SPAG16: variants seen among roughly 807,000 people sequenced by gnomAD.
SPAG16 encodes sperm associated antigen 16.
In SPAG16, 86 loss-of-function variants were observed where a neutral mutation model predicts 80.4. The observed-to-expected ratio is 1.07, with a 90% CI of 0.90 to 1.28. The LOEUF (loss-of-function observed/expected upper bound fraction) is 1.28, where lower values mean the gene tolerates loss of function less well. Ranked by LOEUF, SPAG16 falls within the 50% of genes most tolerant of loss-of-function variation. The pLI, the probability that SPAG16 is intolerant of heterozygous loss-of-function variation, is 0.00. For missense variants in SPAG16, 870 were observed against 765.3 expected (o/e 1.14, Z -1.61); for synonymous variants, 294 against 265.9 (o/e 1.11, Z -1.03).
intron 11 of SPAG16, among the ~76,000 whole-genome samples, chr2:213,902,659 C>T (rs763138284): frequency 2.6e-5 from 4 of 152,166 alleles, no homozygotes; most frequent in Non-Finnish European, 5.9e-5. Flanking sequence ...CACTCTACCC[C>T]TGGCTCCTCC....
chr2:214,093,891 C>T (rs2052399130), intron 13 of SPAG16, among the ~76,000 whole-genome samples: 1 of 152,078 alleles, frequency 6.6e-6, no homozygotes, highest in Non-Finnish European at 1.5e-5. Flanking sequence ...CTTTGCCCAA[C>T]TAACTTACCT....
chr2:213,499,412 T>A (rs1169696572), intron 10 of SPAG16, among the ~76,000 whole-genome samples: 1 of 152,144 alleles, frequency 6.6e-6, no homozygotes, highest in African/African-American at 2.4e-5. Flanking sequence ...AGAGCACAGA[T>A]CATATCTTGT....
At chr2:213,535,836 T>C (rs1439404461) in intron 10 of SPAG16, among the ~76,000 whole-genome samples, 1 of 152,172 alleles carries the variant, frequency 6.6e-6, no homozygotes, top group Non-Finnish European at 1.5e-5. Flanking sequence ...GTCTTGACAG[T>C]AATCTACTTG....
rs187181415 is a variant in SPAG16 at position 214,405,865 on chromosome 2, G to A, written c.1721-4275G>A. ...AGTCTCCTTCTTCATTTTCTAGGAG[G>A]AAAGAATAGCTACATCACAGTGTTG... is the stretch of plus-strand genomic sequence containing the variant. On this transcript the variant is annotated intron_variant, in intron 15 of 15. Coordinates refer to ENST00000331683, the MANE Select transcript of SPAG16 (RefSeq NM_024532.5). 2.6e-5 allele frequency among the ~76,000 whole-genome samples: 4 copies of A among 152,264 alleles called. No individual in the cohort carries two copies. The East Asian group carries it at 7.7e-4, about 29-fold the overall frequency.
chr2:213,451,903 T>C (rs975069127), intron 9 of SPAG16, among the ~76,000 whole-genome samples: 1 of 152,106 alleles, frequency 6.6e-6, no homozygotes, highest in African/African-American at 2.4e-5. Flanking sequence ...TTCTTGCAGC[T>C]GCAGGTGTCC....
chr2:213,826,689 T>A (rs1007221262), intron 10 of SPAG16, among the ~76,000 whole-genome samples: 3 of 152,056 alleles, frequency 2.0e-5, no homozygotes, highest in African/African-American at 7.2e-5. Flanking sequence ...ATGATCCATA[T>A]GCTGATGAAA....
chr2:213,661,693 C>G (rs976576981), intron 10 of SPAG16, among the ~76,000 whole-genome samples: 2 of 152,014 alleles, frequency 1.3e-5, no homozygotes, highest in African/African-American at 2.4e-5. Context: ...CTCATTTTGT[C>G]TTTTGTTTAA....
intron 11 of SPAG16, among the ~76,000 whole-genome samples, chr2:213,879,705 G>A (rs2076274194): frequency 6.6e-6 from 1 of 151,836 alleles, no homozygotes; most frequent in South Asian, 2.1e-4. Flanking sequence ...TCAATCTTTA[G>A]TTCCTACTTA....
chr2:213,965,727 A>G (rs2044676787), intron 12 of SPAG16, among the ~76,000 whole-genome samples: 1 of 152,200 alleles, frequency 6.6e-6, no homozygotes, highest in Non-Finnish European at 1.5e-5. Flanking sequence ...TGTTCTAAAC[A>G]TCTCCATGAT....
chr2:213,517,313 C>A (rs1253771926), intron 10 of SPAG16, among the ~76,000 whole-genome samples: 1 of 152,084 alleles, frequency 6.6e-6, no homozygotes, highest in Non-Finnish European at 1.5e-5. Flanking sequence ...TTAGAGATGA[C>A]ACAAATAAAG....
At chr2:213,539,254 A>G (rs2076349371) in intron 10 of SPAG16, among the ~76,000 whole-genome samples, 1 of 152,160 alleles carries the variant, frequency 6.6e-6, no homozygotes, top group Non-Finnish European at 1.5e-5. Flanking sequence ...TAGTAATAGC[A>G]GCGATGAGTA....
At chr2:214,249,828 T>C (rs919235367) in intron 15 of SPAG16, among the ~76,000 whole-genome samples, 1 of 152,150 alleles carries the variant, frequency 6.6e-6, no homozygotes, top group East Asian at 1.9e-4. Flanking sequence ...AAAAAGTAGA[T>C]TGAAGTACTA....
intron 10 of SPAG16, among the ~76,000 whole-genome samples, chr2:213,690,681 G>C (rs896110350): frequency 6.6e-6 from 1 of 152,204 alleles, no homozygotes; most frequent in African/African-American, 2.4e-5. Flanking sequence ...GGCAGAAGAA[G>C]AGGATAGGCA....
chr2:214,160,726 A>G (rs540309844), intron 15 of SPAG16, among the ~76,000 whole-genome samples: 1 of 152,176 alleles, frequency 6.6e-6, no homozygotes, highest in Admixed American at 6.6e-5. Context: ...ATGTTTTGCT[A>G]TGCATTCCAT....
chr2:214,380,640 T>C (rs1700395052), intron 15 of SPAG16, among the ~76,000 whole-genome samples: 1 of 152,224 alleles, frequency 6.6e-6, no homozygotes, highest in African/African-American at 2.4e-5. Flanking sequence ...ATAAAGAACT[T>C]AAAACAGAGC....
intron 10 of SPAG16, among the ~76,000 whole-genome samples, chr2:213,823,987 C>T (rs1460792940): frequency 6.6e-6 from 1 of 152,146 alleles, no homozygotes; most frequent in Non-Finnish European, 1.5e-5. Context: ...AGTCTTTGCC[C>T]ATGCCTATGT....
At chr2:214,123,845 G>A (rs1452791849) in intron 14 of SPAG16, among the ~76,000 whole-genome samples, 2 of 152,012 alleles carry the variant, frequency 1.3e-5, no homozygotes, top group Admixed American at 1.3e-4. Context: ...TGGAGGAATA[G>A]CAAAATCGGG....
intron 13 of SPAG16, among the ~76,000 whole-genome samples, chr2:214,079,044 T>C (rs552742980): frequency 1.3e-5 from 2 of 152,290 alleles, no homozygotes; most frequent in African/African-American, 4.8e-5. Flanking sequence ...TTTAGGTCTT[T>C]CATGGCACCT....
intron 9 of SPAG16, among the ~76,000 whole-genome samples, chr2:213,476,562 C>G (rs1469007215): frequency 6.6e-6 from 1 of 152,202 alleles, no homozygotes; most frequent in Non-Finnish European, 1.5e-5. Context: ...AATCTGAGGA[C>G]AAGAAGCCTC....
Sources: gnomAD v4.1 joint callset for allele counts (sites outside exome capture counted in the v4.1 genomes callset) on GRCh38, gnomAD v4.1.1 for gene constraint, MANE v1.5 for transcripts, NCBI Gene and HGNC (gene_info 2026-07-23, HGNC 2026-07-21) for gene names.